LARP4: variants seen among roughly 807,000 people sequenced by gnomAD.
LARP4 encodes the protein la-related protein 4.
LARP4 carries 29 observed loss-of-function variants against 92.9 expected under a neutral mutation model. That is an observed-to-expected ratio of 0.31 (90% CI 0.23 to 0.43). The LOEUF is 0.43. Among genes scored for constraint, LARP4 ranks in the 20% least tolerant of loss-of-function variants. The pLI, the probability that LARP4 is intolerant of heterozygous loss-of-function variation, is 1.00. For synonymous variants in LARP4, 279 were observed against 284.1 expected (o/e 0.98, Z 0.18); for missense variants, 732 against 860.0 (o/e 0.85, Z 1.86).
intron 4 of LARP4, among the ~76,000 whole-genome samples, chr12:50,433,101 A>T (rs753995630): frequency 6.6e-6 from 1 of 151,934 alleles, no homozygotes; most frequent in Non-Finnish European, 1.5e-5. Flanking sequence ...CATTACACTT[A>T]CCACATACTT....
intron 1 of LARP4, among the ~76,000 whole-genome samples, chr12:50,406,948 C>G (rs1381125553): frequency 1.3e-5 from 2 of 152,132 alleles, no homozygotes; most frequent in African/African-American, 4.8e-5. Context: ...AAACTCCTAA[C>G]CTCAGATCTA....
At chr12:50,443,636 C>T (rs983672532) in intron 8 of LARP4, among the ~76,000 whole-genome samples, 8 of 151,756 alleles carry the variant, frequency 5.3e-5, no homozygotes, top group Non-Finnish European at 1.2e-4. Context: ...TTTGAAATGG[C>T]GTTTCACTCT....
At chr12:50,442,109 A>C (rs184571890) in intron 8 of LARP4, among the ~76,000 whole-genome samples, 99 of 152,334 alleles carry the variant, frequency 6.5e-4, no homozygotes, top group African/African-American at 2.3e-3. Flanking sequence ...AAATCCTTTG[A>C]TAAGCCATAA....
chr12:50,425,487 G>A (rs1948571293), intron 1 of LARP4, among the ~76,000 whole-genome samples: 1 of 152,164 alleles, frequency 6.6e-6, no homozygotes, highest in East Asian at 1.9e-4. Flanking sequence ...AATGCTTAAT[G>A]TCAAATACTG....
chr12:50,461,650 C>T (rs1955404936), intron 11 of LARP4, among the ~76,000 whole-genome samples: 1 of 152,122 alleles, frequency 6.6e-6, no homozygotes, highest in Admixed American at 6.6e-5. Context: ...GTTTTAATTT[C>T]TTCCAGCTTT....
intron 1 of LARP4, 142 bp from the exon 2 acceptor site, chr12:50,427,620 C>T (rs887498961): frequency 2.4e-5 from 10 of 415,408 alleles, no homozygotes; most frequent in African/African-American, 1.8e-4. Context: ...TTGATCAAAA[C>T]TTTAATATTA....
intron 4 of LARP4, among the ~76,000 whole-genome samples, chr12:50,430,930 G>A (rs1038185283): frequency 6.6e-6 from 1 of 152,048 alleles, no homozygotes; most frequent in African/African-American, 2.4e-5. Context: ...GCAAAGTGTC[G>A]GGATTACAGG....
rs557270813 is a variant in LARP4 at position 50,422,225 on chromosome 12, A to G, written c.19-5537A>G. On this transcript the variant is annotated intron_variant, in intron 1 of 15. Coordinates refer to ENST00000398473, the MANE Select transcript of LARP4 (RefSeq NM_052879.5). ...AGTGATCTGCCTGTCTTGGCCTCCC[A>G]AAGTGCTGGGATTACAGGCTTGAGC... 3.3e-5 allele frequency among the ~76,000 whole-genome samples: 5 copies of G among 152,254 alleles called. No homozygotes were observed. In the East Asian group the frequency reaches 9.6e-4, roughly 29 times the overall value.
intron 7 of LARP4, among the ~76,000 whole-genome samples, chr12:50,440,945 G>T (rs1200827794): frequency 6.7e-6 from 1 of 150,104 alleles, no homozygotes; most frequent in Admixed American, 6.6e-5. Flanking sequence ...GTGCAGTGGC[G>T]CAATCTCGGC....
chr12:50,429,673 C>T (rs1406792757), intron 3 of LARP4, among the ~76,000 whole-genome samples: 1 of 152,124 alleles, frequency 6.6e-6, no homozygotes, highest in African/African-American at 2.4e-5. Context: ...GAGTCTCGCT[C>T]TGTTGCCCAG....
chr12:50,461,251 A>G lies in LARP4; in HGVS notation c.1238A>G (p.His413Arg), dbSNP rs547081047. 1 of 1,614,150 alleles carries G rather than the reference A, an allele frequency of 6.2e-7. No individual in the cohort carries two copies. The highest frequency in any genetic ancestry group is 1.1e-5 in the South Asian group (1 of 91,070). The change falls in exon 11 of 16, where the codon CAT (histidine) becomes CGT (arginine). Residue 413 changes from histidine to arginine, a missense_variant. Physicochemically the swap from His to Arg is conservative, Grantham distance 29. Around this residue, in one of 7 missense-constraint regions of LARP4, gnomAD observed 264 missense variants for 269.5 expected, o/e 0.98. Transcript: ENST00000398473. ...YSSRNFPAER[H>R]NPTVTGHQEQ... ...TCAAGAAACTTTCCAGCTGAACGGC[A>G]TAACCCCACAGTAACTGGGCATCAG...
chr12:50,420,946 G>GATTT (rs1592885035), intron 1 of LARP4: 2 of 44,624 alleles, frequency 4.5e-5, no homozygotes, highest in Admixed American at 3.4e-4. Context: ...AATAACCTTT[G>GATTT]CTTTTTTTTT....
At chr12:50,458,966 T>C (rs1024950388) in intron 10 of LARP4, among the ~76,000 whole-genome samples, 2 of 152,150 alleles carry the variant, frequency 1.3e-5, no homozygotes, top group Admixed American at 6.6e-5. Flanking sequence ...TAAATCTCAT[T>C]TGGTGATGGA....
intron 1 of LARP4, among the ~76,000 whole-genome samples, chr12:50,420,201 A>G (rs796250067): frequency 1.4e-4 from 21 of 152,320 alleles, no homozygotes; most frequent in African/African-American, 4.6e-4. Context: ...AATGAAAAAT[A>G]TAAAAAGGGA....
chr12:50,404,288 A>G (rs1944395849), intron 1 of LARP4, among the ~76,000 whole-genome samples: 1 of 152,190 alleles, frequency 6.6e-6, no homozygotes. Flanking sequence ...GCTAGTGAAC[A>G]TGGAAGCTTG....
At position 50,479,228 on chromosome 12, in the gene LARP4, A is replaced by C. The variant is rs1471309892; in HGVS notation, c.*3364A>C. 1 of 152,616 alleles carries C rather than the reference A, an allele frequency of 6.6e-6. No homozygotes were observed. The highest frequency in any genetic ancestry group is 2.4e-5 in the African/African-American group (1 of 41,456). 9.5% of individuals were successfully genotyped at this position (152,616 alleles called of 1,614,324 possible). A position where few individuals can be genotyped will look rare whatever the true frequency, so the allele number is the denominator to read the frequency against. On this transcript the variant is annotated 3_prime_UTR_variant, in exon 16 of 16. Transcript: ENST00000398473. ...GACACAGTTGAACAACACTGGGGTTAAGTCTCTGGTATTTAGGCTGGCAAT... is the reference window on the plus strand; with the variant it reads ...GACACAGTTGAACAACACTGGGGTTCAGTCTCTGGTATTTAGGCTGGCAAT...
chr12:50,464,874 G>A (rs1426878251), intron 12 of LARP4, among the ~76,000 whole-genome samples: 1 of 150,420 alleles, frequency 6.6e-6, no homozygotes, highest in African/African-American at 2.5e-5. Context: ...TATTATAGTA[G>A]AGACAGGGTT....
chr12:50,473,923 A>G, intron 14 of LARP4, 76 bp from the exon 15 acceptor site: 3 of 1,307,962 alleles, frequency 2.3e-6, no homozygotes, highest in Non-Finnish European at 3.2e-6. Context: ...AAAAAAAATT[A>G]CGTTTTCTTC....
At chr12:50,467,715 A>G (rs1956332316) in intron 13 of LARP4, among the ~76,000 whole-genome samples, 2 of 152,212 alleles carry the variant, frequency 1.3e-5, no homozygotes, top group South Asian at 4.1e-4. Flanking sequence ...TAGTGATGAA[A>G]TGAATTCTTT....
Sources: allele counts gnomAD v4.1 joint callset (sites outside exome capture counted in the v4.1 genomes callset), GRCh38; gene constraint gnomAD v4.1.1; regional missense constraint gnomAD v4.1.1; transcripts MANE v1.5; gene names NCBI Gene and HGNC (gene_info 2026-07-23, HGNC 2026-07-21).